The following EIF2B3 variants were observed in gnomAD, a reference collection of about 807,000 sequenced individuals.
The protein encoded by EIF2B3 is translation initiation factor eIF2B subunit gamma.
A neutral mutation model predicts 54.1 loss-of-function variants in EIF2B3; 20 were observed. The ratio of observed to expected loss-of-function variants is 0.37; its 90% CI spans 0.26 to 0.54. EIF2B3 has a LOEUF of 0.54. Among genes scored for constraint, EIF2B3 ranks in the 20% least tolerant of loss-of-function variants. EIF2B3 has a pLI of 0.86. For synonymous variants in EIF2B3, 153 were observed against 188.1 expected, an observed-to-expected ratio of 0.81 and a Z score of 1.52; for missense variants, 448 against 547.8, an observed-to-expected ratio of 0.82 and a Z score of 1.82.
intron 10 of EIF2B3, among the ~76,000 whole-genome samples, chr1:44,869,040 GT>G (rs1654874338): frequency 6.6e-6 from 1 of 152,136 alleles, no homozygotes; most frequent in African/African-American, 2.4e-5. Context: ...CTTTCAAAAG[GT>G]TTTTAATAGA....
In EIF2B3 at chr1:44,875,704, C is replaced by T. The variant is rs746142445; in HGVS notation, c.976-9G>A. 5 of 1,613,628 alleles carry T rather than the reference C, an allele frequency of 3.1e-6. No individual in the cohort carries two copies. In the Admixed American group the frequency reaches 5.0e-5, roughly 16 times the overall value. On this transcript the variant is annotated splice_polypyrimidine_tract_variant and intron_variant, in intron 8 of 11. Transcript: ENST00000360403. Reference sequence around the variant, plus strand: ...GACAGCAATTTGGGCACCTTAAGGACAGAGATTTGGTCACTAAAGATCAGA... The same window carrying T: ...GACAGCAATTTGGGCACCTTAAGGATAGAGATTTGGTCACTAAAGATCAGA...
At chr1:44,885,553 A>G (rs1655547757) in intron 6 of EIF2B3, among the ~76,000 whole-genome samples, 1 of 152,248 alleles carries the variant, frequency 6.6e-6, no homozygotes, top group Admixed American at 6.5e-5. Context: ...TTCCATTTCT[A>G]TAAGTCTATC....
intron 5 of EIF2B3, among the ~76,000 whole-genome samples, chr1:44,916,077 T>C (rs1643617321): frequency 1.3e-5 from 2 of 152,216 alleles, no homozygotes; most frequent in South Asian, 2.1e-4. Flanking sequence ...TTTTATGTTG[T>C]CCAGGTTCAA....
At position 44,874,668 on chromosome 1, in the gene EIF2B3, G is replaced by A; in HGVS notation, c.1202+10C>T. On this transcript the variant is annotated intron_variant, in intron 10 of 11. Coordinates refer to ENST00000360403, the MANE Select transcript of EIF2B3 (RefSeq NM_020365.5). ...ATCTTTGCCTCAAGTGGGTACAGGG[G>A]GAAACATACCCTTCCTCCACAGTGA... 1.3e-5 allele frequency: 21 copies of A among 1,614,018 alleles called. No individual in the cohort carries two copies. Among genetic ancestry groups the A allele is most frequent in the Non-Finnish European group, 1.8e-5 (21 of 1,179,942 alleles).
chr1:44,917,222 G>A (rs752191937), intron 5 of EIF2B3, among the ~76,000 whole-genome samples: 2 of 152,106 alleles, frequency 1.3e-5, no homozygotes, highest in Non-Finnish European at 1.5e-5. Flanking sequence ...TGCCAGGTGC[G>A]GTGGCTCACA....
chr1:44,850,744 C>T lies in EIF2B3; in HGVS notation c.*207G>A, dbSNP rs1187950628. The T allele has an allele frequency of 1.6e-6, 1 of 610,736 alleles. No individual in the cohort carries two copies. The highest frequency in any genetic ancestry group is 1.9e-5 in the African/African-American group (1 of 53,960). 37.8% of individuals were successfully genotyped at this position (610,736 alleles called of 1,614,324 possible). A position where few individuals can be genotyped will look rare whatever the true frequency, so the allele number is the denominator to read the frequency against. On this transcript the variant is annotated 3_prime_UTR_variant, in exon 12 of 12. Coordinates refer to ENST00000360403, the MANE Select transcript of EIF2B3 (RefSeq NM_020365.5). ...ATCTGTCCTGTCCCACACACTTGCTCCAGATGATCTTTACCACATGACACA... is the reference window on the plus strand; with the variant it reads ...ATCTGTCCTGTCCCACACACTTGCTTCAGATGATCTTTACCACATGACACA...
chr1:44,902,475 G>A (rs1023894274), intron 5 of EIF2B3, among the ~76,000 whole-genome samples: 4 of 151,728 alleles, frequency 2.6e-5, no homozygotes, highest in South Asian at 2.1e-4. Flanking sequence ...GCACCTAGGC[G>A]ACTAAGCAAG....
intron 8 of EIF2B3, among the ~76,000 whole-genome samples, chr1:44,877,084 G>C (rs1337645050): frequency 4.7e-5 from 7 of 147,906 alleles, no homozygotes; most frequent in Non-Finnish European, 1.0e-4. Flanking sequence ...CCTCTGCCTA[G>C]GAAAACCAGA....
intron 3 of EIF2B3, among the ~76,000 whole-genome samples, chr1:44,972,754 AC>A (rs1229295223): frequency 2.0e-5 from 3 of 151,822 alleles, no homozygotes; most frequent in East Asian, 1.9e-4. Context: ...TGCAACCTTC[AC>A]CTCTCGAGCA....
intron 1 of EIF2B3, among the ~76,000 whole-genome samples, chr1:44,986,112 G>GA (rs1470670907): frequency 6.6e-6 from 1 of 151,432 alleles, no homozygotes; most frequent in African/African-American, 2.4e-5. Flanking sequence ...AACCCTCCCC[G>GA]AAACTTCGTT....
intron 6 of EIF2B3, among the ~76,000 whole-genome samples, chr1:44,888,885 C>A (rs1014876309): frequency 6.6e-6 from 1 of 152,202 alleles, no homozygotes; most frequent in African/African-American, 2.4e-5. Flanking sequence ...TCATAGCTAG[C>A]TCTAAAAATT....
At chr1:44,865,215 T>G (rs943222107) in intron 10 of EIF2B3, among the ~76,000 whole-genome samples, 12 of 106,822 alleles carry the variant, frequency 1.1e-4, no homozygotes, top group African/African-American at 3.5e-4. Context: ...AGACTCCATC[T>G]TAAAAAAAAA....
intron 5 of EIF2B3, among the ~76,000 whole-genome samples, chr1:44,912,479 C>T (rs1418363061): frequency 6.6e-6 from 1 of 152,126 alleles, no homozygotes; most frequent in Non-Finnish European, 1.5e-5. Context: ...TCAAGGCTCT[C>T]TATTTTTAGA....
chr1:44,896,713 A>T (rs774013456), intron 6 of EIF2B3, among the ~76,000 whole-genome samples: 5 of 152,194 alleles, frequency 3.3e-5, no homozygotes. Context: ...CTTTTCTTAT[A>T]AAAAATCCTT....
At chr1:44,886,834 T>C (rs562979057) in intron 6 of EIF2B3, among the ~76,000 whole-genome samples, 1 of 152,342 alleles carries the variant, frequency 6.6e-6, no homozygotes, top group East Asian at 1.9e-4. Flanking sequence ...ATCCTTGGAG[T>C]CTTTCTGAAT....
In EIF2B3 at chr1:44,978,420, T is replaced by A. The variant is rs142753066; in HGVS notation, c.189A>T (p.Leu63=). ...TCATTTTCATCTTGAATTCTGCACATAGAGCCTTTTGAACATCCCTGGTTG... is the reference window on the plus strand; with the variant it reads ...TCATTTTCATCTTGAATTCTGCACAAAGAGCCTTTTGAACATCCCTGGTTG... ...VVTTRDVQKA[L]CAEFKMKMKP... The change falls in exon 3 of 12, where the codon CTA becomes CTT. Residue 63 remains leucine, a synonymous_variant. Transcript: ENST00000360403. 5,521 of 1,613,788 alleles carry A rather than the reference T, an allele frequency of 3.4e-3. 14 individuals carry two copies. Among genetic ancestry groups the A allele is most frequent in the Non-Finnish European group, 4.2e-3 (4,962 of 1,179,988 alleles).
At chr1:44,930,675 C>G (rs901587413) in intron 4 of EIF2B3, among the ~76,000 whole-genome samples, 7 of 152,184 alleles carry the variant, frequency 4.6e-5, no homozygotes, top group Non-Finnish European at 1.0e-4. Context: ...CAGTCTTGCT[C>G]TGTCGCCCAG....
At chr1:44,880,699 A>C (rs1655363278) in intron 7 of EIF2B3, among the ~76,000 whole-genome samples, 1 of 152,202 alleles carries the variant, frequency 6.6e-6, no homozygotes, top group Non-Finnish European at 1.5e-5. Flanking sequence ...ACGGTGGCTC[A>C]TGCCTGTAAT....
intron 3 of EIF2B3, among the ~76,000 whole-genome samples, chr1:44,943,212 C>T (rs1485693867): frequency 1.3e-5 from 2 of 148,594 alleles, no homozygotes; most frequent in Non-Finnish European, 3.0e-5. Context: ...GACAGGGTCT[C>T]ACTATGTTTC....
Sources: allele counts gnomAD v4.1 joint callset (sites outside exome capture counted in the v4.1 genomes callset), GRCh38; gene constraint gnomAD v4.1.1; transcripts MANE v1.5; gene names NCBI Gene and HGNC (gene_info 2026-07-23, HGNC 2026-07-21).